The following SLC12A7 variants were observed in gnomAD, a reference collection of about 807,000 sequenced individuals.
SLC12A7 encodes K-Cl cotransporter 4.
Under a neutral mutation model 120.6 loss-of-function variants are expected in SLC12A7, and 100 were observed. The observed-to-expected ratio is 0.83, with a 90% CI of 0.71 to 0.98. The LOEUF is 0.98. Among genes scored for constraint, SLC12A7 ranks in the 50% least tolerant of loss-of-function variants. SLC12A7 has a pLI of 0.00. For synonymous variants in SLC12A7, 760 were observed against 678.0 expected, an observed-to-expected ratio of 1.12 and a Z score of -1.88; for missense variants, 1,373 against 1,548.1, an observed-to-expected ratio of 0.89 and a Z score of 1.90.
chr5:1,121,418 G>A, the SLC12A7 span, among the ~76,000 whole-genome samples: 39 of 152,338 alleles, frequency 2.6e-4, no homozygotes, highest in African/African-American at 7.7e-4. Flanking sequence ...ATCAGCGCCC[G>A]TGTGCGGATC....
chr5:1,083,709 A>AC, intron 8 of SLC12A7, 36 bp downstream of exon 8: 1 of 1,599,290 alleles, frequency 6.3e-7, no homozygotes, highest in South Asian at 1.1e-5. Context: ...TGCCCCCGCC[A>AC]CCCCCCAGCT....
the SLC12A7 span, among the ~76,000 whole-genome samples, chr5:1,130,569 C>T: frequency 6.6e-6 from 1 of 152,194 alleles, no homozygotes; most frequent in Admixed American, 6.5e-5. Context: ...CCCCTCACCT[C>T]CTTAGCCAGG....
At position 1,067,957 on chromosome 5, in the gene SLC12A7, C is replaced by T. The variant is rs552837803; in HGVS notation, c.2242-2479G>A. On this transcript the variant is annotated intron_variant, in intron 17 of 23. Coordinates refer to ENST00000264930, the MANE Select transcript of SLC12A7 (RefSeq NM_006598.3). ...CCGGCGCAGCAGTCGCAGAGGCCTC[C>T]GTGCAGACAGACCTCAACCCGGAGG... 2.6e-4 allele frequency among the ~76,000 whole-genome samples: 39 copies of T among 152,282 alleles called. No homozygotes were observed. The Middle Eastern group carries it at 0.01, about 40-fold the overall frequency.
In SLC12A7 at chr5:1,077,969, A is replaced by G. The variant is rs1199941428; in HGVS notation, c.1493T>C (p.Met498Thr). The change falls in exon 12 of 24, where the codon ATG becomes ACG. Residue 498 changes from methionine to threonine, a missense_variant. Coordinates refer to ENST00000264930, the MANE Select transcript of SLC12A7 (RefSeq NM_006598.3). ...EALQGNLVIG[M>T]LAWPSPWVIV... The stretch of plus-strand genomic sequence containing the variant: ...GACCCAGGGGGAGGGCCAGGCCAGC[A>G]TGCCGATGACCAGGTTCCCCTGCAG... 1.3e-6 allele frequency: 2 copies of G among 1,594,540 alleles called. No individual in the cohort carries two copies. Among genetic ancestry groups the G allele is most frequent in the Non-Finnish European group, 1.7e-6 (2 of 1,171,462 alleles).
At chr5:1,067,389 G>T (rs1484365788) in intron 17 of SLC12A7, among the ~76,000 whole-genome samples, 1 of 152,222 alleles carries the variant, frequency 6.6e-6, no homozygotes, top group Non-Finnish European at 1.5e-5. Context: ...GCGTCATGTG[G>T]GAAGAAGGCA....
the SLC12A7 span, among the ~76,000 whole-genome samples, chr5:1,146,402 C>T: frequency 6.6e-6 from 1 of 152,150 alleles, no homozygotes; most frequent in Admixed American, 6.5e-5. The surrounding 1 kb of genome is among the most constrained non-coding windows in gnomAD (Gnocchi z 6.5). Flanking sequence ...GCCTGGGGTG[C>T]CTGCATGTGG....
At chr5:1,061,174 C>T (rs75507047) in intron 20 of SLC12A7, among the ~76,000 whole-genome samples, 1 of 22,046 alleles carries the variant, frequency 4.5e-5, no homozygotes, top group African/African-American at 6.3e-5. Context: ...GGGACCCCTG[C>T]GTCTCACCCA....
chr5:1,136,415 C>T, the SLC12A7 span, among the ~76,000 whole-genome samples: 760 of 141,544 alleles, frequency 5.4e-3, 2 homozygotes, highest in Non-Finnish European at 8.8e-3. Context: ...CACCAGGACA[C>T]GCAGGCACAC....
intron 18 of SLC12A7, among the ~76,000 whole-genome samples, chr5:1,064,838 G>T (rs1446209192): frequency 1.4e-5 from 2 of 146,178 alleles, no homozygotes; most frequent in Admixed American, 6.8e-5. Flanking sequence ...AGGGGACGGC[G>T]AAGCGACGGC....
chr5:1,059,121 A>G (rs1735924332), intron 21 of SLC12A7, among the ~76,000 whole-genome samples: 1 of 152,216 alleles, frequency 6.6e-6, no homozygotes, highest in African/African-American at 2.4e-5. Context: ...GCCTGGACAG[A>G]AAACAGAGGA....
At chr5:1,110,096 T>C (rs1742882291) in intron 1 of SLC12A7, among the ~76,000 whole-genome samples, 1 of 152,248 alleles carries the variant, frequency 6.6e-6, no homozygotes, top group African/African-American at 2.4e-5. Flanking sequence ...GATCAGGATG[T>C]GATCAAGTGG....
intron 17 of SLC12A7, 37 bp downstream of exon 17, chr5:1,073,596 G>A (rs1448964817): frequency 8.3e-6 from 13 of 1,572,658 alleles, no homozygotes; most frequent in Non-Finnish European, 1.1e-5. Flanking sequence ...AGCTGGGGTG[G>A]GAAAGAGGCC....
At chr5:1,112,192 G>T (rs915493840), upstream of SLC12A7, among the ~76,000 whole-genome samples, 3 of 151,936 alleles carry the variant, frequency 2.0e-5, no homozygotes, top group African/African-American at 7.2e-5. Flanking sequence ...AACCCAGGCT[G>T]CGTCTGTCTG....
the SLC12A7 span, among the ~76,000 whole-genome samples, chr5:1,136,654 T>G: frequency 7.7e-6 from 1 of 130,394 alleles, no homozygotes; most frequent in African/African-American, 3.0e-5. Context: ...GGCACACATG[T>G]GCTCAGACAC....
the SLC12A7 span, among the ~76,000 whole-genome samples, chr5:1,117,411 A>G: frequency 6.6e-6 from 1 of 152,152 alleles, no homozygotes; most frequent in East Asian, 1.9e-4. This position sits in a 1 kb window ranked among gnomAD's most constrained non-coding sequence, Gnocchi z 4.5. Context: ...TTTGGGAGGA[A>G]CTTAGTTTAT....
Position 1,073,750 on chromosome 5 carries a change from G to A in SLC12A7, c.2124C>T (p.His708=), listed in dbSNP as rs534922965. Reference sequence around the variant, plus strand: ...GCGACGTGAAGGACAGCAGGCGGGGGTGCTTCACGGCCTGCTCCGCGTCCA... The same window carrying A: ...GCGACGTGAAGGACAGCAGGCGGGGATGCTTCACGGCCTGCTCCGCGTCCA... The part of the protein sequence containing the change: ...LNLDAEQAVK[H]PRLLSFTSQL... The change falls in exon 17 of 24, where the codon CAC becomes CAT. Residue 708 remains histidine (H), a synonymous_variant. Transcript: ENST00000264930. 1.2e-5 allele frequency: 19 copies of A among 1,559,706 alleles called. 1 individual carries two copies. The African/African-American group carries it at 1.8e-4, about 15-fold the overall frequency.
chr5:1,092,933 C>A (rs1740684174), intron 3 of SLC12A7, among the ~76,000 whole-genome samples: 1 of 152,134 alleles, frequency 6.6e-6, no homozygotes, highest in Non-Finnish European at 1.5e-5. Context: ...GGCTCTCAGG[C>A]AACCCGTCTG....
chr5:1,082,618 AG>A (rs1739307912), intron 8 of SLC12A7, among the ~76,000 whole-genome samples: 2 of 83,402 alleles, frequency 2.4e-5, no homozygotes, highest in African/African-American at 4.9e-5. Flanking sequence ...CTTCCTCTCT[AG>A]GGTTCTGGAA....
At chr5:1,122,642 C>A in the SLC12A7 span, among the ~76,000 whole-genome samples, 2 of 152,198 alleles carry the variant, frequency 1.3e-5, no homozygotes, top group Non-Finnish European at 2.9e-5. Flanking sequence ...ATTCTGCGTT[C>A]GGTCTCTACA....
Sources: gnomAD v4.1 joint callset for allele counts (sites outside exome capture counted in the v4.1 genomes callset) on GRCh38, gnomAD v4.1.1 for gene constraint, Gnocchi (gnomAD v3.1) non-coding constraint, MANE v1.5 for transcripts, NCBI Gene and HGNC (gene_info 2026-07-23, HGNC 2026-07-21) for gene names.